LINGO2: variants seen among roughly 807,000 people sequenced by gnomAD.
The protein encoded by LINGO2 is leucine-rich repeat and immunoglobulin-like domain-containing nogo receptor-interacting protein 2.
Under a neutral mutation model 30.6 loss-of-function variants are expected in LINGO2, and 14 were observed. That is an observed-to-expected ratio of 0.46 (90% CI 0.30 to 0.72). The LOEUF (loss-of-function observed/expected upper bound fraction) is 0.72. LINGO2 is among the 30% of genes least tolerant of loss of function. The pLI is 0.07. For missense variants in LINGO2, 729 were observed against 751.7 expected (o/e 0.97, Z 0.35); for synonymous variants, 317 against 288.5 (o/e 1.10, Z -1.00).
chr9:28,203,678 A>T (rs990087445), intron 4 of LINGO2, among the ~76,000 whole-genome samples: 1 of 152,208 alleles, frequency 6.6e-6, no homozygotes, highest in African/African-American at 2.4e-5. Flanking sequence ...CATATCATAC[A>T]AAGCATTAGC....
chr9:29,111,882 CATATATTTATATATGTGTGTATATAT>C, the LINGO2 span, among the ~76,000 whole-genome samples: 1 of 148,956 alleles, frequency 6.7e-6, no homozygotes, highest in African/African-American at 2.5e-5. Context: ...TGTATATATA[CATATATTTATATATGTGTGTATATAT>C]ACATATATTT....
At chr9:29,101,325 TAA>T in the LINGO2 span, among the ~76,000 whole-genome samples, 2 of 152,168 alleles carry the variant, frequency 1.3e-5, no homozygotes, top group Admixed American at 6.5e-5. Flanking sequence ...GTTGGGGACT[TAA>T]GAAACTATTC....
At chr9:28,034,926 G>T (rs1013090453) in intron 4 of LINGO2, among the ~76,000 whole-genome samples, 28 of 152,186 alleles carry the variant, frequency 1.8e-4, no homozygotes, top group African/African-American at 6.3e-4. Flanking sequence ...TGCAGATTTT[G>T]AGTGTATAGA....
chr9:28,901,906 A>G, the LINGO2 span, among the ~76,000 whole-genome samples: 1 of 152,144 alleles, frequency 6.6e-6, no homozygotes, highest in Admixed American at 6.6e-5. Context: ...AAAGACATAG[A>G]TTGACCAGGA....
chr9:28,436,946 T>C (rs7870766), intron 2 of LINGO2, among the ~76,000 whole-genome samples: 100,497 of 151,952 alleles, frequency 0.66, 33,436 homozygotes, highest in South Asian at 0.74. Context: ...CTGCAGCTTT[T>C]AATAAAGGAA....
chr9:28,968,541 C>T, the LINGO2 span, among the ~76,000 whole-genome samples: 3 of 152,108 alleles, frequency 2.0e-5, no homozygotes, highest in Non-Finnish European at 2.9e-5. Context: ...AATAATGTTA[C>T]ACTTCACTTT....
intron 4 of LINGO2, among the ~76,000 whole-genome samples, chr9:28,048,042 G>T (rs1040481027): frequency 3.3e-5 from 5 of 150,656 alleles, no homozygotes; most frequent in African/African-American, 4.9e-5. Context: ...AACTTACAAA[G>T]AAGTTTTAGA....
intron 1 of LINGO2, among the ~76,000 whole-genome samples, chr9:28,588,097 T>C (rs1431763924): frequency 3.3e-5 from 5 of 151,974 alleles, no homozygotes; most frequent in African/African-American, 9.7e-5. Flanking sequence ...GAAAGAATCA[T>C]ATAAGGATTT....
chr9:28,600,950 G>GA (rs1177225928), intron 1 of LINGO2, among the ~76,000 whole-genome samples: 1 of 151,988 alleles, frequency 6.6e-6, no homozygotes, highest in Admixed American at 6.6e-5. Flanking sequence ...GGAAATAAGA[G>GA]AAAAAAATTG....
intron 2 of LINGO2, among the ~76,000 whole-genome samples, chr9:28,384,551 A>T (rs550116953): frequency 6.6e-6 from 1 of 151,996 alleles, no homozygotes; most frequent in African/African-American, 2.4e-5. Flanking sequence ...TTTTTAAAAC[A>T]AACACTTCAG....
intron 5 of LINGO2, among the ~76,000 whole-genome samples, chr9:27,974,397 G>A (rs1023675242): frequency 6.6e-6 from 1 of 152,104 alleles, no homozygotes; most frequent in African/African-American, 2.4e-5. Flanking sequence ...GCTTTTGAGT[G>A]CTACACAGTG....
intron 4 of LINGO2, among the ~76,000 whole-genome samples, chr9:28,024,958 C>T (rs537174936): frequency 1.3e-5 from 2 of 152,182 alleles, no homozygotes; most frequent in South Asian, 4.1e-4. Flanking sequence ...AGCAGGCAGC[C>T]CTCATTTGTT....
At chr9:28,034,763 T>G (rs1296845412) in intron 4 of LINGO2, among the ~76,000 whole-genome samples, 1 of 152,252 alleles carries the variant, frequency 6.6e-6, no homozygotes, top group Non-Finnish European at 1.5e-5. Context: ...ATAAATTATA[T>G]GTGAAATGTA....
At chr9:28,614,878 A>G (rs1178989253) in intron 1 of LINGO2, among the ~76,000 whole-genome samples, 1 of 152,148 alleles carries the variant, frequency 6.6e-6, no homozygotes, top group Non-Finnish European at 1.5e-5. Flanking sequence ...CTGAAAGAAT[A>G]GTATACACAA....
the LINGO2 span, among the ~76,000 whole-genome samples, chr9:29,202,888 T>A: frequency 6.6e-6 from 1 of 152,056 alleles, no homozygotes; most frequent in African/African-American, 2.4e-5. Context: ...CAGTCAACCA[T>A]ACCTAAGTAT....
intron 3 of LINGO2, among the ~76,000 whole-genome samples, chr9:28,313,841 C>G (rs1001661554): frequency 7.9e-5 from 12 of 152,154 alleles, no homozygotes; most frequent in African/African-American, 2.4e-4. Flanking sequence ...GTATGTGTCT[C>G]TGAAGGGTTC....
intron 5 of LINGO2, among the ~76,000 whole-genome samples, chr9:27,968,442 G>GA (rs1216471579): frequency 2.0e-5 from 3 of 151,786 alleles, no homozygotes; most frequent in African/African-American, 7.3e-5. Flanking sequence ...GATATTAAGT[G>GA]AAAAAATAAA....
At chr9:28,653,543 T>C (rs1828201912) in intron 1 of LINGO2, among the ~76,000 whole-genome samples, 1 of 152,102 alleles carries the variant, frequency 6.6e-6, no homozygotes, top group African/African-American at 2.4e-5. Context: ...AATCAACCAG[T>C]ACCATCCTGG....
chr9:28,315,022 A>G (rs1008512345), intron 3 of LINGO2, among the ~76,000 whole-genome samples: 25 of 151,912 alleles, frequency 1.6e-4, no homozygotes, highest in African/African-American at 6.0e-4. Context: ...AAAAAAAAAA[A>G]AAAGAAACAA....
Sources: gnomAD v4.1 joint callset for allele counts (sites outside exome capture counted in the v4.1 genomes callset) on GRCh38, gnomAD v4.1.1 for gene constraint, MANE v1.5 for transcripts, NCBI Gene and HGNC (gene_info 2026-07-23, HGNC 2026-07-21) for gene names.